The following ATP2A1 variants were observed in gnomAD, a reference collection of about 807,000 sequenced individuals.
The protein encoded by ATP2A1 is sarcoplasmic/endoplasmic reticulum calcium ATPase 1.
ATP2A1 carries 83 observed loss-of-function variants against 109.5 expected under a neutral mutation model. The ratio of observed to expected loss-of-function variants is 0.76; its 90% CI spans 0.63 to 0.91. The LOEUF (loss-of-function observed/expected upper bound fraction) is 0.91, where lower values mean the gene tolerates loss of function less well. ATP2A1 is among the 40% of genes least tolerant of loss of function. The pLI is 0.00. For missense variants in ATP2A1, 1,101 were observed against 1,341.0 expected (o/e 0.82, Z 2.80); for synonymous variants, 505 against 537.6 (o/e 0.94, Z 0.84).
At position 28,879,568 on chromosome 16, in the gene ATP2A1, CG is replaced by C; in HGVS notation, c.205del (p.Ala69HisfsTer28). The C allele has an allele frequency of 6.2e-7, 1 of 1,614,110 alleles. No homozygotes were observed. Among genetic ancestry groups the C allele is most frequent in the South Asian group, 1.1e-5 (1 of 91,082 alleles). On this transcript the variant is annotated frameshift_variant, in exon 3 of 23. Coordinates refer to ENST00000395503, the MANE Select transcript of ATP2A1 (RefSeq NM_004320.6). LOFTEE classifies it high-confidence loss of function. ...DLLVRILLLA[A>X]CISFVLAWFE... ...TCCTGGTGCGGATTCTCCTCCTGGC[CG>C]CATGCATTTCCTTCGTAAGTGTGGG... is the stretch of plus-strand genomic sequence containing the variant.
Position 28,902,432 on chromosome 16 carries a change from C to A in ATP2A1, c.2524+46C>A, listed in dbSNP as rs561266293. Reference sequence around the variant, plus strand: ...GATCCTCCCCACCCCTTGGGACTAACCCCCTCTCTGGGACACCAGCTCCCC... The same window carrying A: ...GATCCTCCCCACCCCTTGGGACTAAACCCCTCTCTGGGACACCAGCTCCCC... On this transcript the variant is annotated intron_variant, in intron 17 of 22. Transcript: ENST00000395503. The surrounding 1 kb of genome is among the most constrained non-coding windows in gnomAD (Gnocchi z 4.8). The A allele has an allele frequency of 6.2e-7, 1 of 1,602,842 alleles. No homozygotes were observed. The highest frequency in any genetic ancestry group is 1.1e-5 in the South Asian group (1 of 90,390).
intron 5 of ATP2A1, 88 bp from the exon 6 acceptor site, chr16:28,884,487 G>A (rs1255964373): frequency 5.4e-6 from 7 of 1,286,060 alleles, no homozygotes; most frequent in Admixed American, 3.5e-5. Flanking sequence ...TGGATGAGGA[G>A]AACGAGTCAG....
Position 28,904,235 on chromosome 16 carries a change from G to C in ATP2A1, c.*93G>C. On this transcript the variant is annotated 3_prime_UTR_variant, in exon 23 of 23. Transcript: ENST00000395503. ...CCTTTTGCTCTGTCCTCCCCACCCC[G>C]ATAGTGACACATCTTCAGGCAGAGC... is the stretch of plus-strand genomic sequence containing the variant. 6.2e-7 allele frequency: 1 copy of C among 1,613,590 alleles called. No individual in the cohort carries two copies.
rs756462008 is a variant in ATP2A1, at chr16:28,902,920, C to T, written c.2744+9C>T. 1.2e-6 allele frequency: 2 copies of T among 1,613,696 alleles called. No homozygotes were observed. The highest frequency in any genetic ancestry group is 1.7e-5 in the Admixed American group (1 of 59,960). ...TGCAATGCACTGAACAGGTGGGGGCCCCCCAGCTACACCCACCACCCTCCC... is the reference window on the plus strand; with the variant it reads ...TGCAATGCACTGAACAGGTGGGGGCTCCCCAGCTACACCCACCACCCTCCC... On this transcript the variant is annotated intron_variant, in intron 19 of 22. Coordinates refer to ENST00000395503, the MANE Select transcript of ATP2A1 (RefSeq NM_004320.6). The surrounding 1 kb of genome is among the most constrained non-coding windows in gnomAD (Gnocchi z 4.8).
chr16:28,895,663 C>CA (rs982146892), intron 12 of ATP2A1, among the ~76,000 whole-genome samples: 44 of 123,078 alleles, frequency 3.6e-4, no homozygotes, highest in Middle Eastern at 4.0e-3. Flanking sequence ...CGCATCTCTA[C>CA]AAAAAAAAAC....
rs767966625 is a variant in ATP2A1, at chr16:28,902,945, CCT to C, written c.2744+35_2744+36del. ...CCCCCAGCTACACCCACCACCCTCC[CCT>C]GAGGCCACTGCCCACATCCTCCACT... On this transcript the variant is annotated intron_variant, in intron 19 of 22. Transcript: ENST00000395503. The surrounding 1 kb of genome is among the most constrained non-coding windows in gnomAD (Gnocchi z 4.8). 1.3e-3 allele frequency: 2,044 copies of C among 1,613,722 alleles called. 2 individuals carry two copies. Among genetic ancestry groups the C allele is most frequent in the Non-Finnish European group, 1.6e-3 (1,927 of 1,179,932 alleles).
chr16:28,889,999 G>A (rs576043221), intron 9 of ATP2A1, among the ~76,000 whole-genome samples: 46 of 152,164 alleles, frequency 3.0e-4, no homozygotes, highest in African/African-American at 1.1e-3. Flanking sequence ...AAAATTAGCC[G>A]GGCATGGTGG....
Position 28,884,630 on chromosome 16 carries a change from G to A in ATP2A1, c.519G>A (p.Leu173=), listed in dbSNP as rs774600672. Reference sequence around the variant, plus strand: ...TCCTCGCCATCAAATCCACCACGCTGCGGGTTGACCAGTCCATCCTGACAG... The same window carrying A: ...TCCTCGCCATCAAATCCACCACGCTACGGGTTGACCAGTCCATCCTGACAG... ...IRILAIKSTT[L]RVDQSILTGE... Residue 173 remains leucine (L), a synonymous_variant, in exon 6 of 23, where the codon CTG becomes CTA. Coordinates refer to ENST00000395503, the MANE Select transcript of ATP2A1 (RefSeq NM_004320.6). 1 of 1,613,822 alleles carries A rather than the reference G, an allele frequency of 6.2e-7. No homozygotes were observed. The highest frequency in any genetic ancestry group is 8.5e-7 in the Non-Finnish European group (1 of 1,180,018).
chr16:28,902,894 G>A lies in ATP2A1; in HGVS notation c.2727G>A (p.Met909Ile). Residue 909 changes from methionine to isoleucine, a missense_variant, in exon 19 of 23, where the codon ATG becomes ATA. Coordinates refer to ENST00000395503, the MANE Select transcript of ATP2A1 (RefSeq NM_004320.6). This position sits in a 1 kb window ranked among gnomAD's most constrained non-coding sequence, Gnocchi z 4.8. ...TGTCCGTGCTGGTGACCATCGAGAT[G>A]TGCAATGCACTGAACAGGTGGGGGC... Reference protein sequence around the residue: ...MALSVLVTIEMCNALNSLSEN... With the variant: ...MALSVLVTIEICNALNSLSEN... 6.2e-7 allele frequency: 1 copy of A among 1,613,952 alleles called. No homozygotes were observed. Among genetic ancestry groups the A allele is most frequent in the Non-Finnish European group, 8.5e-7 (1 of 1,179,944 alleles).
Position 28,900,885 on chromosome 16 carries a change from A to G in ATP2A1, c.2069A>G (p.Tyr690Cys). The G allele has an allele frequency of 2.5e-6, 4 of 1,614,200 alleles. No individual in the cohort carries two copies. Among genetic ancestry groups the G allele is most frequent in the Non-Finnish European group, 3.4e-6 (4 of 1,180,028 alleles). ...TCGCACAAGTCCAAGATTGTGGAGTACCTGCAGTCCTACGATGAGATCACA... is the reference window on the plus strand; with the variant it reads ...TCGCACAAGTCCAAGATTGTGGAGTGCCTGCAGTCCTACGATGAGATCACA... The part of the protein sequence containing the change: ...EPSHKSKIVE[Y>C]LQSYDEITAM... Residue 690 changes from tyrosine (Y) to cysteine (C), a missense_variant, in exon 15 of 23, where the codon TAC becomes TGC. Physicochemically the swap from Tyr to Cys is radical, Grantham distance 194. Transcript: ENST00000395503.
intron 2 of ATP2A1, 173 bp downstream of exon 2, chr16:28,879,289 T>C: frequency 1.0e-6 from 1 of 957,296 alleles, no homozygotes; most frequent in Non-Finnish European, 1.6e-6. Flanking sequence ...CCAGGCGCTT[T>C]CTCCTTGAAG....
At chr16:28,899,333 C>T (rs1596683072) in intron 14 of ATP2A1, among the ~76,000 whole-genome samples, 1 of 152,156 alleles carries the variant, frequency 6.6e-6, no homozygotes, top group South Asian at 2.1e-4. Flanking sequence ...TTCCAGTTCA[C>T]GTTCTTTCTA....
At position 28,878,666 on chromosome 16, in the gene ATP2A1, A is replaced by T; in HGVS notation, c.-6A>T. 6.3e-7 allele frequency: 1 copy of T among 1,592,366 alleles called. No individual in the cohort carries two copies. Among genetic ancestry groups the T allele is most frequent in the East Asian group, 2.3e-5 (1 of 44,178 alleles). Reference sequence around the variant, plus strand: ...CACCGGCCCCGGCCCCCAGGAAGGGAGCACAATGGAGGCCGCTCATGCTAA... The same window carrying T: ...CACCGGCCCCGGCCCCCAGGAAGGGTGCACAATGGAGGCCGCTCATGCTAA... On this transcript the variant is annotated 5_prime_UTR_variant, in exon 1 of 23. Coordinates refer to ENST00000395503, the MANE Select transcript of ATP2A1 (RefSeq NM_004320.6).
In ATP2A1 at chr16:28,895,006, A is replaced by G. The variant is rs1334853031; in HGVS notation, c.1419+53A>G. 2.5e-6 allele frequency: 4 copies of G among 1,603,214 alleles called. No homozygotes were observed. In the African/African-American group the frequency reaches 5.3e-5, roughly 21 times the overall value. On this transcript the variant is annotated intron_variant, in intron 12 of 22. Coordinates refer to ENST00000395503, the MANE Select transcript of ATP2A1 (RefSeq NM_004320.6). ...GCCGTCTCCACTCTATGCTGCATAG[A>G]CTAGAGGAAGGCAGAGGCCCTGGTT...
Position 28,880,007 on chromosome 16 carries a change from C to G in ATP2A1, c.219+424C>G. ...CCCCTGCCCCGCCCTCCCCAGCCTC[C>G]TGACGCTGATTGGTCGAGGGGAGGA... On this transcript the variant is annotated intron_variant, in intron 3 of 22. Transcript: ENST00000395503. This position sits in a 1 kb window ranked among gnomAD's most constrained non-coding sequence, Gnocchi z 4.2. The G allele has an allele frequency of 9.8e-7, 1 of 1,019,134 alleles. No individual in the cohort carries two copies. Among genetic ancestry groups the G allele is most frequent in the South Asian group, 4.1e-5 (1 of 24,304 alleles). 63.1% of individuals were successfully genotyped at this position (1,019,134 alleles called of 1,614,324 possible). A position where few individuals can be genotyped will look rare whatever the true frequency, so the allele number is the denominator to read the frequency against.
chr16:28,903,422 G>T lies in ATP2A1; in HGVS notation c.2962G>T (p.Ala988Ser). Residue 988 changes from alanine (A) to serine (S), a missense_variant, in exon 21 of 23, where the codon GCT becomes TCT. By Grantham distance (99) the Ala-to-Ser change is moderately conservative. Coordinates refer to ENST00000395503, the MANE Select transcript of ATP2A1 (RefSeq NM_004320.6). This position sits in a 1 kb window ranked among gnomAD's most constrained non-coding sequence, Gnocchi z 5.6. The part of the protein sequence containing the change: ...IGLDEILKFV[A>S]RNYLEG ...GCTCGACGAAATCCTCAAGTTCGTT[G>T]CTCGGAACTACCTAGAGGGTAAGGA... The T allele has an allele frequency of 6.2e-7, 1 of 1,613,784 alleles. No homozygotes were observed. Among genetic ancestry groups the T allele is most frequent in the Non-Finnish European group, 8.5e-7 (1 of 1,179,790 alleles).
chr16:28,893,237 G>A (rs76468389), intron 9 of ATP2A1, among the ~76,000 whole-genome samples: 1 of 138,724 alleles, frequency 7.2e-6, no homozygotes, highest in African/African-American at 3.0e-5. Flanking sequence ...AAAAAAAAAA[G>A]AGAGAGAGAG....
chr16:28,879,247 A>AAGGAC, intron 2 of ATP2A1, 131 bp downstream of exon 2: 1 of 1,221,746 alleles, frequency 8.2e-7, no homozygotes, highest in Non-Finnish European at 1.2e-6. Flanking sequence ...TCCCTCCCTA[A>AAGGAC]AGGTTAGAGT....
At chr16:28,897,966 G>A in intron 12 of ATP2A1, 34 bp from the exon 13 acceptor site, 1 of 1,613,584 alleles carries the variant, frequency 6.2e-7, no homozygotes, top group Non-Finnish European at 8.5e-7. Context: ...ACCATTTTAA[G>A]AGGACTGGTC....
Sources: allele counts gnomAD v4.1 joint callset (sites outside exome capture counted in the v4.1 genomes callset), GRCh38; gene constraint gnomAD v4.1.1; non-coding constraint Gnocchi (gnomAD v3.1); transcripts MANE v1.5; gene names NCBI Gene and HGNC (gene_info 2026-07-23, HGNC 2026-07-21).